Variants in KIAA0586 observed in about 807,000 individuals in gnomAD.
KIAA0586 encodes the protein protein TALPID3.
KIAA0586 carries 144 observed loss-of-function variants against 169.8 expected under a neutral mutation model. The observed-to-expected ratio is 0.85, with a 90% CI of 0.74 to 0.97. KIAA0586 has a LOEUF of 0.97. Among genes scored for constraint, KIAA0586 ranks in the 50% least tolerant of loss-of-function variants. The probability of loss-of-function intolerance (pLI) is 0.00; values close to 1 mark genes in which losing one functional copy is unlikely to be tolerated. For missense variants in KIAA0586, 1,854 were observed against 1,823.0 expected (o/e 1.02, Z -0.31); for synonymous variants, 625 against 612.4 (o/e 1.02, Z -0.30).
chr14:58,454,753 C>T (rs547647517), intron 9 of KIAA0586, among the ~76,000 whole-genome samples: 7 of 152,290 alleles, frequency 4.6e-5, no homozygotes, highest in Non-Finnish European at 1.5e-5. Flanking sequence ...TGAGGCCTTT[C>T]TTCTTGACTT....
rs750385816 is a variant in KIAA0586, at chr14:58,488,645, A to G, written c.3552A>G (p.Glu1184=). Residue 1184 remains glutamate, a synonymous_variant, in exon 24 of 31, where the codon GAA becomes GAG. Transcript: ENST00000652326. ...RAIVMSVAKD[E]EPESMDFPAQ... is the part of the protein sequence containing the mutation. ...GTGTAATGTCTGTGGCTAAGGATGA[A>G]GAACCAGAGAGTATGGATTTCCCTG... 4 of 1,613,944 alleles carry G rather than the reference A, an allele frequency of 2.5e-6. No individual in the cohort carries two copies. The East Asian group carries it at 6.7e-5, about 27-fold the overall frequency.
intron 4 of KIAA0586, among the ~76,000 whole-genome samples, chr14:58,440,445 C>T (rs1340778090): frequency 1.3e-5 from 2 of 152,192 alleles, no homozygotes; most frequent in African/African-American, 2.4e-5. Flanking sequence ...GATTCTCCTG[C>T]CTCAGCCTCC....
intron 29 of KIAA0586, among the ~76,000 whole-genome samples, chr14:58,524,601 A>T (rs2045451648): frequency 1.3e-5 from 2 of 152,218 alleles, no homozygotes; most frequent in Admixed American, 1.3e-4. Context: ...CACTTTGGAG[A>T]CAAATTGCAT....
intron 30 of KIAA0586, among the ~76,000 whole-genome samples, chr14:58,540,554 A>G (rs1407200678): frequency 2.0e-5 from 3 of 152,238 alleles, no homozygotes; most frequent in Non-Finnish European, 4.4e-5. Flanking sequence ...ATTGCTTTTT[A>G]GAGGAAAAAA....
chr14:58,489,866 T>G (rs960686470), intron 24 of KIAA0586, among the ~76,000 whole-genome samples: 1 of 152,176 alleles, frequency 6.6e-6, no homozygotes, highest in South Asian at 2.1e-4. Context: ...TAATCAGTTT[T>G]AATTATATCA....
chr14:58,518,880 C>A (rs1044789639), intron 29 of KIAA0586, among the ~76,000 whole-genome samples: 2 of 152,286 alleles, frequency 1.3e-5, no homozygotes, highest in Non-Finnish European at 2.9e-5. Context: ...ACCTATAATC[C>A]CAACACTTTG....
chr14:58,521,734 A>T, intron 29 of KIAA0586: 1 of 830,200 alleles, frequency 1.2e-6, no homozygotes. Context: ...ATTGAAAAGG[A>T]ACAGGGGAAA....
intron 4 of KIAA0586, among the ~76,000 whole-genome samples, chr14:58,440,764 G>A (rs565007901): frequency 6.6e-6 from 1 of 152,228 alleles, no homozygotes; most frequent in African/African-American, 2.4e-5. Flanking sequence ...TGAATATCAT[G>A]TATTCTCATT....
intron 6 of KIAA0586, among the ~76,000 whole-genome samples, chr14:58,444,960 G>A (rs1203502273): frequency 6.7e-6 from 1 of 150,000 alleles, no homozygotes; most frequent in African/African-American, 2.5e-5. Flanking sequence ...TGGCATGGTG[G>A]CATGTGCCTG....
intron 18 of KIAA0586, among the ~76,000 whole-genome samples, chr14:58,473,943 G>A (rs893676454): frequency 2.6e-5 from 4 of 151,922 alleles, no homozygotes; most frequent in East Asian, 1.9e-4. Context: ...TAATTGGCTC[G>A]TGGCTCTGCA....
At chr14:58,526,994 T>C (rs549391300) in intron 29 of KIAA0586, among the ~76,000 whole-genome samples, 1 of 151,924 alleles carries the variant, frequency 6.6e-6, no homozygotes, top group Non-Finnish European at 1.5e-5. Context: ...AATCACCAGT[T>C]TAGAGAAGAA....
At chr14:58,558,647 T>G in the KIAA0586 span, among the ~76,000 whole-genome samples, 1 of 152,188 alleles carries the variant, frequency 6.6e-6, no homozygotes, top group East Asian at 1.9e-4. Flanking sequence ...AGCTGCGTGT[T>G]TACACACTGC....
intron 29 of KIAA0586, among the ~76,000 whole-genome samples, chr14:58,536,825 C>G (rs759709665): frequency 1.1e-4 from 17 of 151,914 alleles, no homozygotes; most frequent in Admixed American, 5.2e-4. Context: ...AACAAGTCAG[C>G]TTTTTGTGGT....
the KIAA0586 span, among the ~76,000 whole-genome samples, chr14:58,561,908 T>A: frequency 6.6e-5 from 10 of 152,268 alleles, no homozygotes; most frequent in African/African-American, 2.4e-4. Context: ...ATCTTTTTCT[T>A]CCCCATAAGC....
chr14:58,519,228 A>G (rs2045004167), intron 29 of KIAA0586, among the ~76,000 whole-genome samples: 1 of 152,190 alleles, frequency 6.6e-6, no homozygotes, highest in African/African-American at 2.4e-5. Context: ...TCACAATACC[A>G]TGCCATGCAG....
intron 25 of KIAA0586, among the ~76,000 whole-genome samples, chr14:58,491,143 A>G (rs190686773): frequency 2.3e-4 from 35 of 152,190 alleles, no homozygotes; most frequent in African/African-American, 8.0e-4. Flanking sequence ...GTGTACAATT[A>G]TAGCATTTTT....
chr14:58,470,886 C>G (rs1410974564), intron 17 of KIAA0586, among the ~76,000 whole-genome samples, 163 bp downstream of exon 17: 1 of 151,732 alleles, frequency 6.6e-6, no homozygotes, highest in Non-Finnish European at 1.5e-5. Flanking sequence ...GAGTCTTGCT[C>G]TGTCGCCCAG....
chr14:58,467,703 A>G (rs754852534), intron 15 of KIAA0586, 32 bp from the exon 16 acceptor site: 152 of 1,499,112 alleles, frequency 1.0e-4, no homozygotes, highest in Non-Finnish European at 1.3e-4. Context: ...TTTCTGAACT[A>G]GTTGACTTAT....
intron 20 of KIAA0586, among the ~76,000 whole-genome samples, chr14:58,478,413 G>A (rs2041808159): frequency 6.6e-6 from 1 of 152,176 alleles, no homozygotes; most frequent in African/African-American, 2.4e-5. Context: ...AACCCAGGAG[G>A]CGGAGGTTGC....
Sources: gnomAD v4.1 joint callset for allele counts (sites outside exome capture counted in the v4.1 genomes callset) on GRCh38, gnomAD v4.1.1 for gene constraint, MANE v1.5 for transcripts, NCBI Gene and HGNC (gene_info 2026-07-23, HGNC 2026-07-21) for gene names.